The following MAP3K20 variants were observed in gnomAD, a reference collection of about 807,000 sequenced individuals.
The protein encoded by MAP3K20 is HCCS-4.
In MAP3K20, 40 loss-of-function variants were observed where a neutral mutation model predicts 85.7. The observed-to-expected ratio is 0.47, with a 90% CI of 0.36 to 0.61. The LOEUF (loss-of-function observed/expected upper bound fraction) is 0.61, where lower values mean the gene tolerates loss of function less well. Among genes scored for constraint, MAP3K20 ranks in the 20% least tolerant of loss-of-function variants. The pLI is 0.00. For synonymous variants in MAP3K20, 325 were observed against 327.7 expected, an observed-to-expected ratio of 0.99 and a Z score of 0.09; for missense variants, 817 against 961.7, an observed-to-expected ratio of 0.85 and a Z score of 1.99.
chr2:173,201,077 A>G (rs1456333485), intron 8 of MAP3K20, among the ~76,000 whole-genome samples: 2 of 152,212 alleles, frequency 1.3e-5, no homozygotes, highest in African/African-American at 4.8e-5. Flanking sequence ...CAGACAATAG[A>G]CCTTATTCAT....
rs192565020 is a variant in MAP3K20, at chr2:173,189,207, A to G, written c.415+1584A>G. 3.6e-4 allele frequency among the ~76,000 whole-genome samples: 55 copies of G among 152,296 alleles called. 1 individual carries two copies. Among genetic ancestry groups the G allele is most frequent in the Non-Finnish European group, 6.0e-4 (41 of 68,022 alleles). Reference sequence around the variant, plus strand: ...CTAGTGAGCACTTGTTAATCTTATAATGAGAAAGCTGAATATAAAATTAAT... The same window carrying G: ...CTAGTGAGCACTTGTTAATCTTATAGTGAGAAAGCTGAATATAAAATTAAT... On this transcript the variant is annotated intron_variant, in intron 5 of 19. Transcript: ENST00000375213.
chr2:173,231,451 C>T (rs1430094177), intron 12 of MAP3K20, among the ~76,000 whole-genome samples: 1 of 152,262 alleles, frequency 6.6e-6, no homozygotes, highest in Non-Finnish European at 1.5e-5. Flanking sequence ...ATCTCTTTAT[C>T]CCTAGCTGCA....
intron 16 of MAP3K20, among the ~76,000 whole-genome samples, chr2:173,246,337 AT>A (rs1193570764): frequency 1.3e-5 from 2 of 152,142 alleles, no homozygotes; most frequent in Non-Finnish European, 2.9e-5. Context: ...CCTTACCACT[AT>A]TTTTGTTTTT....
At chr2:173,076,310 G>C (rs934845049) in intron 1 of MAP3K20, among the ~76,000 whole-genome samples, 3 of 152,072 alleles carry the variant, frequency 2.0e-5, no homozygotes, top group African/African-American at 4.8e-5. Context: ...GTTGGCGCCT[G>C]GAGGCGCGGG....
intron 2 of MAP3K20, among the ~76,000 whole-genome samples, chr2:173,120,701 C>CTTTTTTT (rs56084110): frequency 2.0e-4 from 10 of 49,230 alleles, no homozygotes; most frequent in East Asian, 8.2e-4. Flanking sequence ...ACTCTCACTT[C>CTTTTTTT]TTTTTTTTTT....
At chr2:173,232,482 T>G (rs1475813068) in intron 14 of MAP3K20, 23 bp downstream of exon 14, 2 of 1,606,458 alleles carry the variant, frequency 1.2e-6, no homozygotes, top group Non-Finnish European at 1.7e-6. Flanking sequence ...GGGACAACAT[T>G]CCATCAGCAA....
chr2:173,196,197 A>G (rs1690832305), intron 7 of MAP3K20, among the ~76,000 whole-genome samples: 1 of 152,142 alleles, frequency 6.6e-6, no homozygotes, highest in South Asian at 2.1e-4. Context: ...CATTCTCCTT[A>G]GGAATGCCAC....
intron 5 of MAP3K20, among the ~76,000 whole-genome samples, chr2:173,190,346 A>G (rs1272409492): frequency 2.0e-5 from 3 of 152,164 alleles, no homozygotes; most frequent in African/African-American, 7.2e-5. Context: ...CTCTGATAAG[A>G]ATATAAACCC....
intron 2 of MAP3K20, among the ~76,000 whole-genome samples, chr2:173,102,220 G>T (rs140427209): frequency 6.6e-6 from 1 of 152,246 alleles, no homozygotes; most frequent in East Asian, 1.9e-4. Context: ...TTCTTTGTAA[G>T]ATTTACAGAA....
At chr2:173,140,540 G>A (rs1313470894) in intron 2 of MAP3K20, among the ~76,000 whole-genome samples, 3 of 151,390 alleles carry the variant, frequency 2.0e-5, no homozygotes, top group East Asian at 2.0e-4. Context: ...AGTAGAGATG[G>A]GGTTTCTCTA....
chr2:173,183,513 A>G (rs1014996621), intron 4 of MAP3K20, among the ~76,000 whole-genome samples: 1 of 152,166 alleles, frequency 6.6e-6, no homozygotes, highest in Non-Finnish European at 1.5e-5. Context: ...CCAAACCCCT[A>G]AACAAAGTGC....
intron 16 of MAP3K20, among the ~76,000 whole-genome samples, chr2:173,242,271 G>C (rs1241167394): frequency 6.6e-6 from 1 of 151,734 alleles, no homozygotes; most frequent in Non-Finnish European, 1.5e-5. Flanking sequence ...CGACTCCCTG[G>C]TTCAAGTGAT....
intron 9 of MAP3K20, among the ~76,000 whole-genome samples, chr2:173,209,024 G>A (rs1574112619): frequency 6.6e-6 from 1 of 152,154 alleles, no homozygotes. Flanking sequence ...AATTATAACA[G>A]AAAATAAATA....
In MAP3K20 at chr2:173,075,870, G is replaced by A; in HGVS notation, c.-167G>A. On this transcript the variant is annotated 5_prime_UTR_variant, in exon 1 of 20. Coordinates refer to ENST00000375213, the MANE Select transcript of MAP3K20 (RefSeq NM_016653.3). ...CCTCATTGGCGCCGTGCAGAGAGGC[G>A]GAATGTTCAACTCCTAACTGCAGCG... 1 of 985,222 alleles carries A rather than the reference G, an allele frequency of 1.0e-6. No homozygotes were observed. The highest frequency in any genetic ancestry group is 4.7e-5 in the South Asian group (1 of 21,288). The allele number at this position is 985,222 out of a possible 1,614,324, so 61.0% of individuals were successfully genotyped here. A position where few individuals can be genotyped will look rare whatever the true frequency, so the allele number is the denominator to read the frequency against.
chr2:173,159,385 T>C (rs62175816), intron 2 of MAP3K20, among the ~76,000 whole-genome samples: 1 of 135,342 alleles, frequency 7.4e-6, no homozygotes, highest in African/African-American at 2.6e-5. Context: ...CCTTTTCTTT[T>C]CTTTCCTTCC....
intron 2 of MAP3K20, among the ~76,000 whole-genome samples, chr2:173,165,130 T>C (rs1308458759): frequency 1.3e-5 from 2 of 152,046 alleles, no homozygotes; most frequent in African/African-American, 2.4e-5. Context: ...CTTTATTTTA[T>C]GGAGAATCTT....
intron 2 of MAP3K20, among the ~76,000 whole-genome samples, chr2:173,111,739 T>C (rs1687981119): frequency 6.6e-6 from 1 of 152,178 alleles, no homozygotes; most frequent in African/African-American, 2.4e-5. Flanking sequence ...GCTGTAAGTA[T>C]TTGGATTTAT....
intron 16 of MAP3K20, 92 bp from the exon 17 acceptor site, chr2:173,258,607 C>T (rs1685212785): frequency 6.0e-6 from 4 of 665,742 alleles, no homozygotes; most frequent in Admixed American, 3.0e-5. Context: ...AATAATACTT[C>T]ATTTAGAATA....
chr2:173,142,642 C>T (rs1689010498), intron 2 of MAP3K20, among the ~76,000 whole-genome samples: 1 of 151,208 alleles, frequency 6.6e-6, no homozygotes, highest in Admixed American at 6.6e-5. Context: ...AAAAACAAAA[C>T]AAAAGAGGTA....
Sources: gnomAD v4.1 joint callset for allele counts (sites outside exome capture counted in the v4.1 genomes callset) on GRCh38, gnomAD v4.1.1 for gene constraint, MANE v1.5 for transcripts, NCBI Gene and HGNC (gene_info 2026-07-23, HGNC 2026-07-21) for gene names.